Variants in PHACTR2 observed in about 807,000 individuals in gnomAD.
The protein encoded by PHACTR2 is phosphatase and actin regulator 2.
PHACTR2 carries 30 observed loss-of-function variants against 76.0 expected under a neutral mutation model. The ratio of observed to expected loss-of-function variants is 0.39; its 90% CI spans 0.30 to 0.54. The LOEUF is 0.54. Among genes scored for constraint, PHACTR2 ranks in the 20% least tolerant of loss-of-function variants. The pLI is 0.61. For synonymous variants in PHACTR2, 292 were observed against 292.5 expected, an observed-to-expected ratio of 1.00 and a Z score of 0.02; for missense variants, 696 against 781.1, an observed-to-expected ratio of 0.89 and a Z score of 1.30.
Position 143,709,795 on chromosome 6 carries a change from G to A in PHACTR2, c.47-2221G>A, listed in dbSNP as rs1778131532. 6.6e-6 allele frequency among the ~76,000 whole-genome samples: 1 copy of A among 152,128 alleles called. No individual in the cohort carries two copies. Among genetic ancestry groups the A allele is most frequent in the African/African-American group, 2.4e-5 (1 of 41,418 alleles). ...AATGATTTGGCCACCTCTGTATTAG[G>A]GGGAAGGGGAGAGATACCCAGTTAT... On this transcript the variant is annotated intron_variant, in intron 1 of 12. Coordinates refer to ENST00000440869, the MANE Select transcript of PHACTR2 (RefSeq NM_001100164.2). This position sits in a 1 kb window ranked among gnomAD's most constrained non-coding sequence, Gnocchi z 4.4.
At chr6:143,701,001 C>T (rs1777899816) in intron 1 of PHACTR2, among the ~76,000 whole-genome samples, 1 of 152,212 alleles carries the variant, frequency 6.6e-6, no homozygotes, top group African/African-American at 2.4e-5. Flanking sequence ...ACGTAAAATG[C>T]TTTTATTTAC....
At chr6:143,749,386 GTCTT>G in intron 3 of PHACTR2, among the ~76,000 whole-genome samples, 1 of 152,256 alleles carries the variant, frequency 6.6e-6, no homozygotes. Context: ...TTGAGCTTCA[GTCTT>G]TCTATTCACA....
Position 143,652,225 on chromosome 6 carries a change from T to G in PHACTR2, c.13+43903T>G, listed in dbSNP as rs1177223336. 2.6e-5 allele frequency among the ~76,000 whole-genome samples: 4 copies of G among 152,240 alleles called. No individual in the cohort carries two copies. The highest frequency in any genetic ancestry group is 7.2e-5 in the African/African-American group (3 of 41,460). Reference sequence around the variant, plus strand: ...TTTCATTTCTTGAAATACATTTCTTTAAATACATACCATTTCTTGAAATAC... The same window carrying G: ...TTTCATTTCTTGAAATACATTTCTTGAAATACATACCATTTCTTGAAATAC... On this transcript the variant is annotated intron_variant, in intron 1 of 11. Coordinates refer to the PHACTR2 transcript ENST00000305766. The surrounding 1 kb of genome is among the most constrained non-coding windows in gnomAD (Gnocchi z 4.5).
In PHACTR2 at chr6:143,731,204, A is replaced by G. The variant is rs1430565814; in HGVS notation, c.215-17781A>G. ...TCATTTCAGTTTTTTTCTTTAGACC[A>G]CTATTATGGTTGATTACATTGGCAG... On this transcript the variant is annotated intron_variant, in intron 2 of 12. Coordinates refer to ENST00000440869, the MANE Select transcript of PHACTR2 (RefSeq NM_001100164.2). This position sits in a 1 kb window ranked among gnomAD's most constrained non-coding sequence, Gnocchi z 4.9. Among the ~76,000 whole-genome samples, 1 of 152,156 alleles carries G rather than the reference A, an allele frequency of 6.6e-6. No homozygotes were observed. The highest frequency in any genetic ancestry group is 2.4e-5 in the African/African-American group (1 of 41,434).
In PHACTR2 at chr6:143,777,403, G is replaced by T; in HGVS notation, c.1645+20G>T. ...TAAAACGTGAGTATTCTATACTATA[G>T]AATGATTCCTTGTGTAATCGCTAAC... On this transcript the variant is annotated intron_variant, in intron 9 of 12. Transcript: ENST00000440869. The surrounding 1 kb of genome is among the most constrained non-coding windows in gnomAD (Gnocchi z 4.6). 1 of 1,410,316 alleles carries T rather than the reference G, an allele frequency of 7.1e-7. No homozygotes were observed. The highest frequency in any genetic ancestry group is 9.9e-7 in the Non-Finnish European group (1 of 1,010,408). 87.4% of individuals were successfully genotyped at this position (1,410,316 alleles called of 1,614,324 possible).
rs1178600163 is a variant in PHACTR2, at chr6:143,809,123, G to A, written c.1922+1990G>A. Among the ~76,000 whole-genome samples the A allele has an allele frequency of 1.3e-5, 2 of 152,204 alleles. No homozygotes were observed. Among genetic ancestry groups the A allele is most frequent in the Non-Finnish European group, 2.9e-5 (2 of 68,034 alleles). ...TTGCTTCTGCATAGTTTTCCTAGAA[G>A]TTGGAGTATCTGATAGCCTTATCTT... On this transcript the variant is annotated intron_variant, in intron 12 of 12. Transcript: ENST00000440869. The surrounding 1 kb of genome is among the most constrained non-coding windows in gnomAD (Gnocchi z 4.2).
chr6:143,652,048 A>G lies in PHACTR2; in HGVS notation c.13+43726A>G, dbSNP rs2128446340. Among the ~76,000 whole-genome samples the G allele has an allele frequency of 6.9e-6, 1 of 145,900 alleles. No individual in the cohort carries two copies. Among genetic ancestry groups the G allele is most frequent in the South Asian group, 2.2e-4 (1 of 4,488 alleles). On this transcript the variant is annotated intron_variant, in intron 1 of 11. Transcript: ENST00000305766. This position sits in a 1 kb window ranked among gnomAD's most constrained non-coding sequence, Gnocchi z 4.5. ...TTTCTAGCCTCCAGCCTGAGAAATT[A>G]AAGTTCTGTTGTTTAAGCAAAAAAA...
At position 143,722,455 on chromosome 6, in the gene PHACTR2, A is replaced by G. The variant is rs146617659; in HGVS notation, c.214+10272A>G. Among the ~76,000 whole-genome samples, 216 of 152,098 alleles carry G rather than the reference A, an allele frequency of 1.4e-3. No individual in the cohort carries two copies. The highest frequency in any genetic ancestry group is 5.1e-3 in the African/African-American group (211 of 41,494). Reference sequence around the variant, plus strand: ...CCAATTTGGTGAGCATCTTCTTGGCATGTCATTTTTTTCTTAAATTTTTTT... The same window carrying G: ...CCAATTTGGTGAGCATCTTCTTGGCGTGTCATTTTTTTCTTAAATTTTTTT... On this transcript the variant is annotated intron_variant, in intron 2 of 12. Transcript: ENST00000440869. This position sits in a 1 kb window ranked among gnomAD's most constrained non-coding sequence, Gnocchi z 4.1.
chr6:143,593,240 G>A (rs1031244214), intron 1 of PHACTR2, among the ~76,000 whole-genome samples: 1 of 152,034 alleles, frequency 6.6e-6, no homozygotes, highest in Non-Finnish European at 1.5e-5. Context: ...GTCCTGTGGG[G>A]GCTGCAGAGC....
intron 1 of PHACTR2, among the ~76,000 whole-genome samples, chr6:143,704,291 C>A (rs748351803): frequency 6.6e-6 from 1 of 151,946 alleles, no homozygotes; most frequent in Non-Finnish European, 1.5e-5. Context: ...GTTGAAACAG[C>A]CATTTAAATG....
intron 2 of PHACTR2, among the ~76,000 whole-genome samples, chr6:143,735,640 A>G (rs1289397852): frequency 6.6e-6 from 1 of 151,608 alleles, no homozygotes; most frequent in Non-Finnish European, 1.5e-5. Flanking sequence ...AAAAAACTTC[A>G]GATGAATCAA....
chr6:143,655,157 CAA>C (rs151076366), intron 1 of PHACTR2, among the ~76,000 whole-genome samples: 54 of 99,072 alleles, frequency 5.5e-4, no homozygotes, highest in African/African-American at 8.4e-4. Flanking sequence ...AACTCCGTCT[CAA>C]AAAAAAAAAA....
At chr6:143,707,155 T>C (rs1338883429) in intron 1 of PHACTR2, among the ~76,000 whole-genome samples, 1 of 146,534 alleles carries the variant, frequency 6.8e-6, no homozygotes, top group Non-Finnish European at 1.5e-5. Context: ...AATCTTAATA[T>C]TGTAAAAACA....
upstream of PHACTR2, chr6:143,677,914 C>A: frequency 1.1e-5 from 6 of 556,500 alleles, no homozygotes; most frequent in African/African-American, 2.1e-5. Context: ...CACCCCCCTT[C>A]TTCCCCCGTG....
In PHACTR2 at chr6:143,558,415, G is replaced by A. The variant is rs1363489457; in HGVS notation, c.217+21208G>A. Among the ~76,000 whole-genome samples, 2 of 152,008 alleles carry A rather than the reference G, an allele frequency of 1.3e-5. No homozygotes were observed. The highest frequency in any genetic ancestry group is 4.8e-5 in the African/African-American group (2 of 41,356). On this transcript the variant is annotated intron_variant, in intron 1 of 11. Coordinates refer to the PHACTR2 transcript ENST00000367584. The surrounding 1 kb of genome is among the most constrained non-coding windows in gnomAD (Gnocchi z 4.7). The stretch of plus-strand genomic sequence containing the variant: ...TCACCTACCTCTTTCCCGTTACTAT[G>A]TAAACATGTCCTATTTGCATTAGAA...
rs1251791539 is a variant in PHACTR2 at position 143,679,701 on chromosome 6, A to G, written c.46+1492A>G. Among the ~76,000 whole-genome samples, 1 of 152,206 alleles carries G rather than the reference A, an allele frequency of 6.6e-6. No homozygotes were observed. The highest frequency in any genetic ancestry group is 1.5e-5 in the Non-Finnish European group (1 of 68,040). ...TTTGCCTTAATAAAAATCAAGGAAT[A>G]TTATATAAATGATGTCTAAGAAGCA... On this transcript the variant is annotated intron_variant, in intron 1 of 12. Transcript: ENST00000440869. The surrounding 1 kb of genome is among the most constrained non-coding windows in gnomAD (Gnocchi z 4.6).
chr6:143,747,168 C>G (rs1562291820), intron 2 of PHACTR2, among the ~76,000 whole-genome samples: 1 of 152,122 alleles, frequency 6.6e-6, no homozygotes, highest in African/African-American at 2.4e-5. Flanking sequence ...AAGGAGGAAA[C>G]AGAGATTCCA....
chr6:143,569,400 T>A (rs1049603464), intron 1 of PHACTR2, among the ~76,000 whole-genome samples: 1 of 152,222 alleles, frequency 6.6e-6, no homozygotes, highest in Admixed American at 6.5e-5. Context: ...CTTTATGTAA[T>A]TGAGAAATCC....
chr6:143,584,341 G>T (rs1217153087), intron 1 of PHACTR2, among the ~76,000 whole-genome samples: 4 of 152,188 alleles, frequency 2.6e-5, no homozygotes, highest in Non-Finnish European at 4.4e-5. Flanking sequence ...GGCATCCTGA[G>T]TCCCTCCACT....
Sources: allele counts gnomAD v4.1 joint callset (sites outside exome capture counted in the v4.1 genomes callset), GRCh38; gene constraint gnomAD v4.1.1; non-coding constraint Gnocchi (gnomAD v3.1); transcripts MANE v1.5; gene names NCBI Gene and HGNC (gene_info 2026-07-23, HGNC 2026-07-21).